FNTB: variants seen among roughly 807,000 people sequenced by gnomAD.
FNTB encodes the protein farnesyltransferase, CAAX box, subunit beta.
In FNTB, 27 loss-of-function variants were observed where a neutral mutation model predicts 59.4. The observed-to-expected ratio is 0.45, with a 90% CI of 0.34 to 0.63. The LOEUF is 0.63. Among genes scored for constraint, FNTB ranks in the 20% least tolerant of loss-of-function variants. The probability of loss-of-function intolerance (pLI) is 0.02; values close to 1 mark genes in which losing one functional copy is unlikely to be tolerated. For missense variants in FNTB, 449 were observed against 559.6 expected (o/e 0.80, Z 1.99); for synonymous variants, 230 against 220.7 (o/e 1.04, Z -0.37).
chr14:65,049,999 TAAATTTTAA>T (rs1566574382), intron 9 of FNTB, among the ~76,000 whole-genome samples: 1 of 152,156 alleles, frequency 6.6e-6, no homozygotes, highest in Non-Finnish European at 1.5e-5. Flanking sequence ...TTACATTAAT[TAAATTTTAA>T]AAATTTTAAA....
chr14:65,013,021 G>A (rs1416379033), intron 3 of FNTB, among the ~76,000 whole-genome samples: 1 of 152,226 alleles, frequency 6.6e-6, no homozygotes, highest in Non-Finnish European at 1.5e-5. Context: ...GACAGATGTT[G>A]GATGGGACTG....
Position 65,027,302 on chromosome 14 carries a change from G to C in FNTB, c.375-151G>C, listed in dbSNP as rs1394182799. The C allele has an allele frequency of 4.1e-6, 5 of 1,217,954 alleles. No homozygotes were observed. The highest frequency in any genetic ancestry group is 5.7e-6 in the Non-Finnish European group (5 of 873,912). 75.4% of individuals were successfully genotyped at this position (1,217,954 alleles called of 1,614,324 possible). A position where few individuals can be genotyped will look rare whatever the true frequency, so the allele number is the denominator to read the frequency against. On this transcript the variant is annotated intron_variant, in intron 4 of 11. Transcript: ENST00000246166. This position sits in a 1 kb window ranked among gnomAD's most constrained non-coding sequence, Gnocchi z 5.7. ...TGGAGAGAGAATTAAGCCCTTTGGG[G>C]AGAGGTTATATTCAACAAGTGGGAG...
intron 1 of FNTB, among the ~76,000 whole-genome samples, chr14:64,999,509 G>A (rs1168236568): frequency 6.6e-6 from 1 of 152,156 alleles, no homozygotes; most frequent in Non-Finnish European, 1.5e-5. Context: ...TTAAGAGGTG[G>A]GGGGTTACTT....
At position 65,026,873 on chromosome 14, in the gene FNTB, C is replaced by A. The variant is rs538659267; in HGVS notation, c.375-580C>A. On this transcript the variant is annotated intron_variant, in intron 4 of 11. Coordinates refer to ENST00000246166, the MANE Select transcript of FNTB (RefSeq NM_002028.4). Reference sequence around the variant, plus strand: ...GGCAACCCCGCCTCAAAAAAAAAAACAAAAAAACAAAACTTGCTTCTTACT... The same window carrying A: ...GGCAACCCCGCCTCAAAAAAAAAAAAAAAAAAACAAAACTTGCTTCTTACT... Among the ~76,000 whole-genome samples, 768 of 150,942 alleles carry A rather than the reference C, an allele frequency of 5.1e-3. 9 individuals are homozygous for A. Among genetic ancestry groups the A allele is most frequent in the East Asian group, 0.036 (184 of 5,110 alleles).
Position 64,994,581 on chromosome 14 carries a change from A to G in FNTB, c.144+7484A>G, listed in dbSNP as rs1000130981. On this transcript the variant is annotated intron_variant, in intron 1 of 11. Transcript: ENST00000246166. This position sits in a 1 kb window ranked among gnomAD's most constrained non-coding sequence, Gnocchi z 4.2. ...AGGCAATTGGAACACAATGGTAAAT[A>G]TTTTTGTATCTAAACATATGTAAAT... 6.6e-6 allele frequency among the ~76,000 whole-genome samples: 1 copy of G among 152,234 alleles called. No individual in the cohort carries two copies. Among genetic ancestry groups the G allele is most frequent in the Non-Finnish European group, 1.5e-5 (1 of 68,040 alleles).
At position 64,986,947 on chromosome 14, in the gene FNTB, C is replaced by G. The variant is rs959730328; in HGVS notation, c.-7C>G. The G allele has an allele frequency of 1.4e-5, 22 of 1,614,130 alleles. No homozygotes were observed. The highest frequency in any genetic ancestry group is 1.8e-5 in the Non-Finnish European group (21 of 1,180,040). ...AGTCCTACACACTGTCTGCTGCTCT[C>G]CTGATCATGGCTTCTCCGAGTTCTT... On this transcript the variant is annotated 5_prime_UTR_variant, in exon 1 of 12. Transcript: ENST00000246166.
Position 65,044,572 on chromosome 14 carries a change from G to C in FNTB, c.955+129G>C. ...GTCTATCCTGGATTTTGAGTGCCCA[G>C]TGTGGAACCTCATGCCGTGGGGCAT... On this transcript the variant is annotated intron_variant, in intron 9 of 11. Transcript: ENST00000246166. The surrounding 1 kb of genome is among the most constrained non-coding windows in gnomAD (Gnocchi z 5.5). 7.3e-7 allele frequency: 1 copy of C among 1,364,046 alleles called. No individual in the cohort carries two copies. The highest frequency in any genetic ancestry group is 9.7e-7 in the Non-Finnish European group (1 of 1,029,222). The allele number at this position is 1,364,046 out of a possible 1,614,324, so 84.5% of individuals were successfully genotyped here. A position where few individuals can be genotyped will look rare whatever the true frequency, so the allele number is the denominator to read the frequency against.
At chr14:65,038,186 G>A (rs141111267) in intron 7 of FNTB, among the ~76,000 whole-genome samples, 3,110 of 151,764 alleles carry the variant, frequency 0.02, 64 homozygotes, top group African/African-American at 0.05. Flanking sequence ...TGAGGCGGGC[G>A]GATCACGAGG....
In FNTB at chr14:64,991,283, C is replaced by G. The variant is rs1249120479; in HGVS notation, c.144+4186C>G. On this transcript the variant is annotated intron_variant, in intron 1 of 11. Transcript: ENST00000246166. The surrounding 1 kb of genome is among the most constrained non-coding windows in gnomAD (Gnocchi z 4.4). The stretch of plus-strand genomic sequence containing the variant: ...AGTCTTGATCCCTGCCCTCAAAATT[C>G]TTTTATCTTAGAGAGATAAAAAAGA... Among the ~76,000 whole-genome samples the G allele has an allele frequency of 6.6e-6, 1 of 152,082 alleles. No individual in the cohort carries two copies. The highest frequency in any genetic ancestry group is 2.4e-5 in the African/African-American group (1 of 41,410).
intron 11 of FNTB, among the ~76,000 whole-genome samples, chr14:65,060,661 A>G (rs1229537895): frequency 1.0e-5 from 1 of 96,186 alleles, no homozygotes; most frequent in East Asian, 3.2e-4. Flanking sequence ...CCGCCACTGC[A>G]CTCCAGCCTG....
chr14:65,050,601 A>G (rs1017746577), intron 9 of FNTB, among the ~76,000 whole-genome samples: 1 of 152,212 alleles, frequency 6.6e-6, no homozygotes, highest in Non-Finnish European at 1.5e-5. Context: ...AACAACAACA[A>G]CAAAAAGGTG....
At position 65,061,634 on chromosome 14, in the gene FNTB, T is replaced by C; in HGVS notation, c.*322T>C. ...GACGATCACACAGAGATGAATGGCATCTGAGTATTACGGCATCCAGAGCCA... is the reference window on the plus strand; with the variant it reads ...GACGATCACACAGAGATGAATGGCACCTGAGTATTACGGCATCCAGAGCCA... On this transcript the variant is annotated 3_prime_UTR_variant, in exon 12 of 12. Transcript: ENST00000246166. 7.6e-6 allele frequency: 2 copies of C among 262,112 alleles called. No individual in the cohort carries two copies. Among genetic ancestry groups the C allele is most frequent in the South Asian group, 1.1e-4 (2 of 18,026 alleles). 16.2% of individuals were successfully genotyped at this position (262,112 alleles called of 1,614,324 possible).
At chr14:65,006,182 T>A in intron 2 of FNTB, 1 of 1,608,440 alleles carries the variant, frequency 6.2e-7, no homozygotes, top group Non-Finnish European at 8.5e-7. Flanking sequence ...TTGCCACCAT[T>A]TCCTTAAGAA....
intron 2 of FNTB, among the ~76,000 whole-genome samples, chr14:65,005,521 CTTTCTCTT>C (rs2061573004): frequency 1.8e-5 from 2 of 110,890 alleles, no homozygotes; most frequent in African/African-American, 7.9e-5. Flanking sequence ...TTCTCTCTCT[CTTTCTCTT>C]TCTCTTTCTT....
intron 9 of FNTB, among the ~76,000 whole-genome samples, chr14:65,045,828 A>G (rs982927869): frequency 1.3e-5 from 2 of 152,186 alleles, no homozygotes; most frequent in Non-Finnish European, 2.9e-5. Flanking sequence ...GCCTGGGCCC[A>G]CTGGGCTTTA....
intron 11 of FNTB, among the ~76,000 whole-genome samples, chr14:65,060,268 A>G (rs1276095755): frequency 6.6e-6 from 1 of 152,114 alleles, no homozygotes; most frequent in East Asian, 1.9e-4. Flanking sequence ...TGCTATTTAT[A>G]TACATCACAG....
chr14:64,989,357 T>C (rs1284085223), intron 1 of FNTB, among the ~76,000 whole-genome samples: 3 of 150,352 alleles, frequency 2.0e-5, no homozygotes, highest in Non-Finnish European at 4.4e-5. Context: ...GGTGGGTGAA[T>C]TGTTTTTGAG....
Position 65,030,481 on chromosome 14 carries a change from G to A in FNTB, c.606-2129G>A, listed in dbSNP as rs2062059129. ...GGCCGAGCGGCAGTGGCTCATGTCTGTAATCTCAACACTTTGAGAGACTGA... is the reference window on the plus strand; with the variant it reads ...GGCCGAGCGGCAGTGGCTCATGTCTATAATCTCAACACTTTGAGAGACTGA... On this transcript the variant is annotated intron_variant, in intron 6 of 11. Transcript: ENST00000246166. This position sits in a 1 kb window ranked among gnomAD's most constrained non-coding sequence, Gnocchi z 4.5. Among the ~76,000 whole-genome samples, 1 of 152,168 alleles carries A rather than the reference G, an allele frequency of 6.6e-6. No individual in the cohort carries two copies. The highest frequency in any genetic ancestry group is 1.5e-5 in the Non-Finnish European group (1 of 68,016).
intron 1 of FNTB, among the ~76,000 whole-genome samples, chr14:64,996,300 G>T (rs917973124): frequency 1.3e-5 from 2 of 151,998 alleles, no homozygotes; most frequent in African/African-American, 4.8e-5. Flanking sequence ...AAGAAAGAAA[G>T]AAAGACAGAG....
Sources: allele counts gnomAD v4.1 joint callset (sites outside exome capture counted in the v4.1 genomes callset), GRCh38; gene constraint gnomAD v4.1.1; non-coding constraint Gnocchi (gnomAD v3.1); transcripts MANE v1.5; gene names NCBI Gene and HGNC (gene_info 2026-07-23, HGNC 2026-07-21).